The following AK6 variants were observed in gnomAD, a reference collection of about 807,000 sequenced individuals.
AK6 encodes adenylate kinase isoenzyme 6.
A neutral mutation model predicts 23.7 loss-of-function variants in AK6; 24 were observed. The observed-to-expected ratio is 1.01, with a 90% CI of 0.73 to 1.43. The LOEUF is 1.43. Ranked by LOEUF, AK6 falls within the 40% of genes most tolerant of loss-of-function variation. The probability of loss-of-function intolerance (pLI) is 0.00; values close to 1 mark genes in which losing one functional copy is unlikely to be tolerated. For missense variants in AK6, 191 were observed against 199.1 expected (o/e 0.96, Z 0.24); for synonymous variants, 73 against 69.8 (o/e 1.05, Z -0.23).
chr5:69,352,125 A>C lies in AK6; in HGVS notation c.455T>G (p.Leu152Arg). Residue 152 changes from leucine to arginine, a missense_variant, in exon 5 of 5, where the codon CTA (leucine) becomes CGA (arginine). Coordinates refer to ENST00000380822, the MANE Select transcript of AK6 (RefSeq NM_016283.5). Reference sequence around the variant, plus strand: ...CAAGATCTGATCTACATTATTTTCTAGCTCTTCTGGTTTATTACTGGGCAG... The same window carrying C: ...CAAGATCTGATCTACATTATTTTCTCGCTCTTCTGGTTTATTACTGGGCAG... ...HQLPSNKPEE[L>R]ENNVDQILKW... 1 of 1,613,650 alleles carries C rather than the reference A, an allele frequency of 6.2e-7. No homozygotes were observed. Among genetic ancestry groups the C allele is most frequent in the Non-Finnish European group, 8.5e-7 (1 of 1,179,838 alleles).
chr5:69,361,598 C>T lies in AK6; in HGVS notation c.121+4905G>A, dbSNP rs371938730. On this transcript the variant is annotated intron_variant, in intron 2 of 4. Transcript: ENST00000380822. Reference sequence around the variant, plus strand: ...GGATTACAGGCACCCTCAGCAACGCCGGACTGATTTTTTTTTTTTTTTGAG... The same window carrying T: ...GGATTACAGGCACCCTCAGCAACGCTGGACTGATTTTTTTTTTTTTTTGAG... Among the ~76,000 whole-genome samples, 51 of 151,262 alleles carry T rather than the reference C, an allele frequency of 3.4e-4. 2 individuals are homozygous for T. The highest frequency in any genetic ancestry group is 1.2e-3 in the East Asian group (6 of 5,140).
intron 2 of AK6, among the ~76,000 whole-genome samples, chr5:69,364,304 A>C (rs1440856309): frequency 6.6e-6 from 1 of 151,988 alleles, no homozygotes; most frequent in African/African-American, 2.4e-5. Flanking sequence ...AGGAATATGA[A>C]AAACAAAGAT....
In AK6 at chr5:69,355,912, T is replaced by C; in HGVS notation, c.163A>G (p.Ile55Val). The C allele has an allele frequency of 6.2e-7, 1 of 1,610,276 alleles. No homozygotes were observed. ...ATACTTACTCTGTCTTCATCTAAAA[T>C]GGGACAGTCATACTCTTCATCATAG... is the stretch of plus-strand genomic sequence containing the variant. The part of the protein sequence containing the change: ...DGYDEEYDCP[I>V]LDEDRVVDEL... Residue 55 changes from isoleucine (I) to valine (V), a missense_variant, in exon 3 of 5, where the codon ATT becomes GTT. By Grantham distance (29) the Ile-to-Val change is conservative (BLOSUM62 3). Transcript: ENST00000380822.
intron 2 of AK6, chr5:69,365,175 G>C (rs1377237019): frequency 6.2e-7 from 1 of 1,614,210 alleles, no homozygotes; most frequent in African/African-American, 1.3e-5. Flanking sequence ...CATCTGTACT[G>C]TAAACCTTTG....
At chr5:69,367,712 C>T (rs952293821) in intron 1 of AK6, 1 of 151,952 alleles carries the variant, frequency 6.6e-6, no homozygotes, top group African/African-American at 2.4e-5. Flanking sequence ...ACCACCATGC[C>T]CTGGTTAATT....
At chr5:69,357,447 G>A (rs1213792635) in intron 2 of AK6, among the ~76,000 whole-genome samples, 3 of 152,194 alleles carry the variant, frequency 2.0e-5, no homozygotes, top group African/African-American at 4.8e-5. Context: ...AGTTTGTTGA[G>A]TAGCAGAAGA....
At chr5:69,361,969 C>CT (rs112797204) in intron 2 of AK6, among the ~76,000 whole-genome samples, 1,651 of 104,776 alleles carry the variant, frequency 0.016, 9 homozygotes, top group Middle Eastern at 0.03. Context: ...ACTTGATTCC[C>CT]TTTTTTTTTT....
chr5:69,360,358 G>GA (rs1008942366), intron 2 of AK6, among the ~76,000 whole-genome samples: 15 of 152,300 alleles, frequency 9.8e-5, no homozygotes, highest in Non-Finnish European at 2.2e-4. Flanking sequence ...TGGAGAGAGT[G>GA]AATGTGTATT....
At position 69,365,250 on chromosome 5, in the gene AK6, C is replaced by T. The variant is rs368866547; in HGVS notation, c.121+1253G>A. Reference sequence around the variant, plus strand: ...AGACATGGTCTGTGGGGTTGGTGTGCCTAGTGTGGGAGTACTTGGTCTGCT... The same window carrying T: ...AGACATGGTCTGTGGGGTTGGTGTGTCTAGTGTGGGAGTACTTGGTCTGCT... On this transcript the variant is annotated intron_variant, in intron 2 of 4. Coordinates refer to ENST00000380822, the MANE Select transcript of AK6 (RefSeq NM_016283.5). 65 of 1,614,056 alleles carry T rather than the reference C, an allele frequency of 4.0e-5. No homozygotes were observed. The highest frequency in any genetic ancestry group is 5.2e-5 in the Non-Finnish European group (61 of 1,180,034).
At chr5:69,360,175 C>G (rs545000430) in intron 2 of AK6, among the ~76,000 whole-genome samples, 1 of 152,068 alleles carries the variant, frequency 6.6e-6, no homozygotes, top group South Asian at 2.1e-4. Context: ...ATTCTCCTTC[C>G]CCACTTTTAA....
chr5:69,365,425 G>A, intron 2 of AK6: 1 of 1,614,196 alleles, frequency 6.2e-7, no homozygotes. Context: ...TTGATCAATG[G>A]CAAAGGGGTT....
intron 1 of AK6, among the ~76,000 whole-genome samples, chr5:69,367,289 G>A (rs920834365): frequency 6.6e-6 from 1 of 151,670 alleles, no homozygotes; most frequent in Non-Finnish European, 1.5e-5. Flanking sequence ...GAGGCGGGCA[G>A]ATCACAAGGT....
At chr5:69,358,517 CAAAAAAAAAA>C (rs5868577) in intron 2 of AK6, among the ~76,000 whole-genome samples, 2 of 54,172 alleles carry the variant, frequency 3.7e-5, no homozygotes, top group Non-Finnish European at 6.2e-5. Context: ...GACTCTGTCT[CAAAAAAAAAA>C]AAAAAAAAAA....
At chr5:69,361,876 G>A (rs1294410402) in intron 2 of AK6, among the ~76,000 whole-genome samples, 1 of 151,574 alleles carries the variant, frequency 6.6e-6, no homozygotes, top group African/African-American at 2.4e-5. Flanking sequence ...AAAAGTGCTA[G>A]GATTACAGGC....
intron 2 of AK6, among the ~76,000 whole-genome samples, chr5:69,359,734 T>C (rs1445000512): frequency 6.6e-6 from 1 of 152,234 alleles, no homozygotes; most frequent in African/African-American, 2.4e-5. Context: ...TTAAAATTTT[T>C]ATTTTCATAT....
At chr5:69,364,222 T>C (rs188255988) in intron 2 of AK6, among the ~76,000 whole-genome samples, 11 of 151,056 alleles carry the variant, frequency 7.3e-5, no homozygotes, top group Admixed American at 5.9e-4. Context: ...AAAAAATATA[T>C]ATATATATAA....
At chr5:69,364,293 C>A (rs1762327181) in intron 2 of AK6, among the ~76,000 whole-genome samples, 1 of 151,512 alleles carries the variant, frequency 6.6e-6, no homozygotes, top group South Asian at 2.1e-4. Context: ...CTTATAGTAT[C>A]AGGAATATGA....
chr5:69,365,605 G>T, intron 2 of AK6: 1 of 1,614,004 alleles, frequency 6.2e-7, no homozygotes, highest in Non-Finnish European at 8.5e-7. Flanking sequence ...GTCACATATC[G>T]GAAGGCAAAC....
At chr5:69,359,958 G>T (rs1026429056) in intron 2 of AK6, among the ~76,000 whole-genome samples, 1 of 152,252 alleles carries the variant, frequency 6.6e-6, no homozygotes, top group African/African-American at 2.4e-5. Flanking sequence ...CCAAGGAGTT[G>T]TAAGGAAGAT....
Sources: gnomAD v4.1 joint callset for allele counts (sites outside exome capture counted in the v4.1 genomes callset) on GRCh38, gnomAD v4.1.1 for gene constraint, MANE v1.5 for transcripts, NCBI Gene and HGNC (gene_info 2026-07-23, HGNC 2026-07-21) for gene names.